Variants in TREX1 observed in about 807,000 individuals in gnomAD.
The protein encoded by TREX1 is three prime repair exonuclease 1, also known as three-prime repair exonuclease 1.
Under a neutral mutation model 13.7 loss-of-function variants are expected in TREX1, and 11 were observed. The ratio of observed to expected loss-of-function variants is 0.80; its 90% CI spans 0.51 to 1.33. The LOEUF is 1.33. Ranked by LOEUF, TREX1 falls within the 40% of genes most tolerant of loss-of-function variation. TREX1 has a pLI of 0.00. For synonymous variants in TREX1, 178 were observed against 178.8 expected, an observed-to-expected ratio of 1.00 and a Z score of 0.03; for missense variants, 409 against 404.4, an observed-to-expected ratio of 1.01 and a Z score of -0.10.
Position 48,467,559 on chromosome 3 carries a change from G to A in TREX1, c.904G>A (p.Ala302Thr), listed in dbSNP as rs1472792293. ...GLLAILTLAV[A>T]TLYGLSLATP... ...GCTGGCCATCCTGACCTTGGCAGTA[G>A]CCACACTGTATGGACTATCCCTGGC... The change falls in exon 2 of 2, where the codon GCC becomes ACC. Residue 302 changes from alanine to threonine, a missense_variant. By Grantham distance (58) the Ala-to-Thr change is moderately conservative. Transcript: ENST00000625293. The A allele has an allele frequency of 5.0e-6, 8 of 1,613,836 alleles. No individual in the cohort carries two copies. Among genetic ancestry groups the A allele is most frequent in the Non-Finnish European group, 6.8e-6 (8 of 1,179,956 alleles).
chr3:48,467,589 C>G lies in TREX1; in HGVS notation c.934C>G (p.Pro312Ala), dbSNP rs1265570241. Reference protein sequence around the residue: ...ATLYGLSLATPGE With the variant: ...ATLYGLSLATAGE The stretch of plus-strand genomic sequence containing the variant: ...ACTGTATGGACTATCCCTGGCCACA[C>G]CTGGGGAGTAGGCCAAGAAGGAAAA... The change falls in exon 2 of 2, where the codon CCT (proline) becomes GCT (alanine). Residue 312 changes from proline to alanine, a missense_variant. Transcript: ENST00000625293. 1 of 1,611,350 alleles carries G rather than the reference C, an allele frequency of 6.2e-7. No homozygotes were observed. The highest frequency in any genetic ancestry group is 8.5e-7 in the Non-Finnish European group (1 of 1,178,368).
chr3:48,466,132 G>A, upstream of TREX1: 7 of 428,764 alleles, frequency 1.6e-5, no homozygotes, highest in South Asian at 6.5e-5. Context: ...GTGGGTGTGG[G>A]GGGGAACGGA....
chr3:48,467,125 C>T lies in TREX1; in HGVS notation c.470C>T (p.Thr157Ile), dbSNP rs1210588757. The change falls in exon 2 of 2, where the codon ACT becomes ATT. Residue 157 changes from threonine to isoleucine, a missense_variant. Coordinates refer to ENST00000625293, the MANE Select transcript of TREX1 (RefSeq NM_033629.6). ...LDGAFCVDSI[T>I]ALKALERASS... ...GGTGCCTTCTGTGTGGATAGCATCACTGCGCTGAAGGCCCTGGAGCGAGCA... is the reference window on the plus strand; with the variant it reads ...GGTGCCTTCTGTGTGGATAGCATCATTGCGCTGAAGGCCCTGGAGCGAGCA... The T allele has an allele frequency of 1.2e-6, 2 of 1,614,038 alleles. No homozygotes were observed. Among genetic ancestry groups the T allele is most frequent in the Non-Finnish European group, 1.7e-6 (2 of 1,180,038 alleles).
chr3:48,466,757 G>T lies in TREX1; in HGVS notation c.102G>T (p.Leu34=). The T allele has an allele frequency of 1.2e-6, 2 of 1,613,944 alleles. No homozygotes were observed. The highest frequency in any genetic ancestry group is 2.2e-5 in the South Asian group (2 of 91,084). Residue 34 remains leucine (L), a synonymous_variant, in exon 2 of 2, where the codon CTG becomes CTT. Transcript: ENST00000625293. ...TCTCCCAGCCCAAGGTCACGGAGCTGTGCCTGCTGGCTGTCCACAGATGTG... is the reference window on the plus strand; with the variant it reads ...TCTCCCAGCCCAAGGTCACGGAGCTTTGCCTGCTGGCTGTCCACAGATGTG... ...LPFSQPKVTE[L]CLLAVHRCAL...
At chr3:48,465,883 A>G (rs1043721615), upstream of TREX1, 1 of 319,752 alleles carries the variant, frequency 3.1e-6, no homozygotes, top group Non-Finnish European at 6.0e-6. Flanking sequence ...GCAGGGAAGG[A>G]GGTGGCTCTT....
rs771725714 is a variant in TREX1, at chr3:48,466,645, C to T, written c.-11C>T. ...TCCTCTCCAGGCTCAGCAGCAGGTA[C>T]GTACCCAACCATGGGCTCGCAGGCC... On this transcript the variant is annotated 5_prime_UTR_variant, in exon 2 of 2. The change creates a new upstream start codon in the 5' untranslated region. Transcript: ENST00000625293. The T allele has an allele frequency of 7.4e-6, 12 of 1,614,026 alleles. No individual in the cohort carries two copies. The highest frequency in any genetic ancestry group is 6.7e-5 in the East Asian group (3 of 44,866).
At position 48,466,673 on chromosome 3, in the gene TREX1, G is replaced by GC. The variant is rs781731683; in HGVS notation, c.23dup (p.Pro10AlafsTer92). 5.0e-6 allele frequency: 8 copies of GC among 1,613,862 alleles called. No individual in the cohort carries two copies. In the Admixed American group the frequency reaches 1.0e-4, roughly 20 times the overall value. On this transcript the variant is annotated frameshift_variant, in exon 2 of 2. Coordinates refer to ENST00000625293, the MANE Select transcript of TREX1 (RefSeq NM_033629.6). LOFTEE classifies it high-confidence loss of function. ...ACCCAACCATGGGCTCGCAGGCCCT[G>GC]CCCCCGGGGCCCATGCAGACCCTCA...
chr3:48,467,571 G>T lies in TREX1; in HGVS notation c.916G>T (p.Gly306Ter), dbSNP rs2040391623. ...ILTLAVATLY[G>*]LSLATPGE ...GACCTTGGCAGTAGCCACACTGTATGGACTATCCCTGGCCACACCTGGGGA... is the reference window on the plus strand; with the variant it reads ...GACCTTGGCAGTAGCCACACTGTATTGACTATCCCTGGCCACACCTGGGGA... The change falls in exon 2 of 2, where the codon GGA (glycine) becomes TGA (stop). Residue 306 changes from glycine to a stop codon, truncating the protein, a stop_gained. Transcript: ENST00000625293. LOFTEE classifies it high-confidence loss of function. The T allele has an allele frequency of 6.2e-7, 1 of 1,613,316 alleles. No homozygotes were observed. Among genetic ancestry groups the T allele is most frequent in the Non-Finnish European group, 8.5e-7 (1 of 1,179,628 alleles).
In TREX1 at chr3:48,466,859, C is replaced by G. The variant is rs1170424886; in HGVS notation, c.204C>G (p.Ser68=). The G allele has an allele frequency of 6.2e-7, 1 of 1,613,800 alleles. No homozygotes were observed. Among genetic ancestry groups the G allele is most frequent in the Admixed American group, 1.7e-5 (1 of 60,026 alleles). ...CACCGCGTGTGGTAGACAAGCTCTC[C>G]CTGTGTGTGGCTCCGGGGAAGGCCT... The part of the protein sequence containing the change: ...PPPPRVVDKL[S]LCVAPGKACS... Residue 68 remains serine (S), a synonymous_variant, in exon 2 of 2, where the codon TCC becomes TCG. Coordinates refer to ENST00000625293, the MANE Select transcript of TREX1 (RefSeq NM_033629.6).
chr3:48,466,648 A>G lies in TREX1; in HGVS notation c.-8A>G, dbSNP rs756787404. On this transcript the variant is annotated 5_prime_UTR_variant, in exon 2 of 2. Transcript: ENST00000625293. ...TCTCCAGGCTCAGCAGCAGGTACGT[A>G]CCCAACCATGGGCTCGCAGGCCCTG... is the stretch of plus-strand genomic sequence containing the variant. 39 of 1,613,696 alleles carry G rather than the reference A, an allele frequency of 2.4e-5. No homozygotes were observed. Among genetic ancestry groups the G allele is most frequent in the Middle Eastern group, 1.6e-4 (1 of 6,084 alleles).
chr3:48,467,570 T>C lies in TREX1; in HGVS notation c.915T>C (p.Tyr305=), dbSNP rs1453857275. 6.2e-7 allele frequency: 1 copy of C among 1,613,410 alleles called. No homozygotes were observed. The highest frequency in any genetic ancestry group is 8.5e-7 in the Non-Finnish European group (1 of 1,179,774). ...AILTLAVATL[Y]GLSLATPGE is the part of the protein sequence containing the mutation. ...TGACCTTGGCAGTAGCCACACTGTATGGACTATCCCTGGCCACACCTGGGG... is the reference window on the plus strand; with the variant it reads ...TGACCTTGGCAGTAGCCACACTGTACGGACTATCCCTGGCCACACCTGGGG... Residue 305 remains tyrosine, a synonymous_variant, in exon 2 of 2, where the codon TAT becomes TAC. Transcript: ENST00000625293.
In TREX1 at chr3:48,467,640, C is replaced by T. The variant is rs1297914964; in HGVS notation, c.*40C>T. 6.3e-7 allele frequency: 1 copy of T among 1,589,440 alleles called. No homozygotes were observed. On this transcript the variant is annotated 3_prime_UTR_variant, in exon 2 of 2. Coordinates refer to ENST00000625293, the MANE Select transcript of TREX1 (RefSeq NM_033629.6). The stretch of plus-strand genomic sequence containing the variant: ...TCTGACGAATAAAGACCCCCGCTGC[C>T]CCATAGCACTGAGTGGTCAATTGGC...
chr3:48,466,980 C>T lies in TREX1; in HGVS notation c.325C>T (p.Leu109=). 1 of 1,612,984 alleles carries T rather than the reference C, an allele frequency of 6.2e-7. No homozygotes were observed. Among genetic ancestry groups the T allele is most frequent in the African/African-American group, 1.3e-5 (1 of 75,064 alleles). ...TGATGACAACCTGGCCAACCTGCTCCTAGCCTTCCTGCGGCGCCAGCCACA... is the reference window on the plus strand; with the variant it reads ...TGATGACAACCTGGCCAACCTGCTCTTAGCCTTCCTGCGGCGCCAGCCACA... ...CFDDNLANLL[L]AFLRRQPQPW... is the part of the protein sequence containing the mutation. The change falls in exon 2 of 2, where the codon CTA becomes TTA. Residue 109 remains leucine, a synonymous_variant. Coordinates refer to ENST00000625293, the MANE Select transcript of TREX1 (RefSeq NM_033629.6).
Position 48,466,964 on chromosome 3 carries a change from C to T in TREX1, c.309C>T (p.Asn103=), listed in dbSNP as rs578154315. The T allele has an allele frequency of 5.6e-6, 9 of 1,612,386 alleles. No individual in the cohort carries two copies. Among genetic ancestry groups the T allele is most frequent in the African/African-American group, 1.3e-5 (1 of 75,068 alleles). The part of the protein sequence containing the change: ...AAHGRQCFDD[N]LANLLLAFLR... ...ATGGGCGTCAATGTTTTGATGACAA[C>T]CTGGCCAACCTGCTCCTAGCCTTCC... The change falls in exon 2 of 2, where the codon AAC becomes AAT. Residue 103 remains asparagine, a synonymous_variant. Transcript: ENST00000625293.
In TREX1 at chr3:48,467,046, T is replaced by G. The variant is rs1064796645; in HGVS notation, c.391T>G (p.Phe131Val). Reference sequence around the variant, plus strand: ...GGCACACAATGGTGACCGCTACGACTTCCCCCTGCTCCAAGCAGAGCTGGC... The same window carrying G: ...GGCACACAATGGTGACCGCTACGACGTCCCCCTGCTCCAAGCAGAGCTGGC... The part of the protein sequence containing the change: ...LVAHNGDRYD[F>V]PLLQAELAML... The change falls in exon 2 of 2, where the codon TTC becomes GTC. Residue 131 changes from phenylalanine to valine, a missense_variant. Phe to Val is a conservative substitution (Grantham distance 50). Transcript: ENST00000625293. 3 of 1,613,942 alleles carry G rather than the reference T, an allele frequency of 1.9e-6. No homozygotes were observed. The highest frequency in any genetic ancestry group is 1.3e-5 in the African/African-American group (1 of 75,040).
In TREX1 at chr3:48,466,738, A is replaced by G. The variant is rs1369567808; in HGVS notation, c.83A>G (p.Gln28Arg). The change falls in exon 2 of 2, where the codon CAG becomes CGG. Residue 28 changes from glutamine to arginine, a missense_variant. Physicochemically the swap from Gln to Arg is conservative, Grantham distance 43 (BLOSUM62 1). Coordinates refer to ENST00000625293, the MANE Select transcript of TREX1 (RefSeq NM_033629.6). ...DMEATGLPFS[Q>R]PKVTELCLLA... ...GAGGCCACTGGCTTGCCCTTCTCCC[A>G]GCCCAAGGTCACGGAGCTGTGCCTG... 1.2e-6 allele frequency: 2 copies of G among 1,613,852 alleles called. No homozygotes were observed. Among genetic ancestry groups the G allele is most frequent in the East Asian group, 4.5e-5 (2 of 44,848 alleles).
chr3:48,467,295 G>T lies in TREX1; in HGVS notation c.640G>T (p.Ala214Ser). The part of the protein sequence containing the change: ...LLSICQWRPQ[A>S]LLRWVDAHAR... Reference sequence around the variant, plus strand: ...CAGCATCTGTCAGTGGAGACCACAGGCCCTGCTGCGGTGGGTGGATGCTCA... The same window carrying T: ...CAGCATCTGTCAGTGGAGACCACAGTCCCTGCTGCGGTGGGTGGATGCTCA... Residue 214 changes from alanine to serine, a missense_variant, in exon 2 of 2, where the codon GCC (alanine) becomes TCC (serine). Coordinates refer to ENST00000625293, the MANE Select transcript of TREX1 (RefSeq NM_033629.6). 2 of 1,614,156 alleles carry T rather than the reference G, an allele frequency of 1.2e-6. No homozygotes were observed. Among genetic ancestry groups the T allele is most frequent in the Non-Finnish European group, 1.7e-6 (2 of 1,180,026 alleles).
rs2040370754 is a variant in TREX1, at chr3:48,467,335, G to C, written c.680G>C (p.Gly227Ala). The change falls in exon 2 of 2, where the codon GGC becomes GCC. Residue 227 changes from glycine (G) to alanine (A), a missense_variant. By Grantham distance (60) the Gly-to-Ala change is moderately conservative. Coordinates refer to ENST00000625293, the MANE Select transcript of TREX1 (RefSeq NM_033629.6). Reference protein sequence around the residue: ...RWVDAHARPFGTIRPMYGVTA... With the variant: ...RWVDAHARPFATIRPMYGVTA... Reference sequence around the variant, plus strand: ...GTGGATGCTCACGCCAGGCCTTTCGGCACCATCAGGCCCATGTATGGGGTC... The same window carrying C: ...GTGGATGCTCACGCCAGGCCTTTCGCCACCATCAGGCCCATGTATGGGGTC... 1 of 1,614,136 alleles carries C rather than the reference G, an allele frequency of 6.2e-7. No individual in the cohort carries two copies.
At position 48,466,265 on chromosome 3, in the gene TREX1, G is replaced by T. The variant is rs2040289439; in HGVS notation, c.-71G>T. ...ACTGCTGCCAGCGAGAGCCGCGGGA[G>T]AGTGTGCAGCCGAGTCACTACTGCC... On this transcript the variant is annotated 5_prime_UTR_variant, in exon 1 of 2. Transcript: ENST00000625293. The T allele has an allele frequency of 1.6e-6, 1 of 620,994 alleles. No individual in the cohort carries two copies. Among genetic ancestry groups the T allele is most frequent in the Admixed American group, 2.7e-5 (1 of 36,892 alleles). 38.5% of individuals were successfully genotyped at this position (620,994 alleles called of 1,614,324 possible). A position where few individuals can be genotyped will look rare whatever the true frequency, so the allele number is the denominator to read the frequency against.
Sources: allele counts gnomAD v4.1 joint callset, GRCh38; gene constraint gnomAD v4.1.1; transcripts MANE v1.5; gene names NCBI Gene and HGNC (gene_info 2026-07-23, HGNC 2026-07-21).